ATP2B2: variants seen among roughly 807,000 people sequenced by gnomAD.
ATP2B2 encodes ATPase plasma membrane Ca2+ transporting 2, also known as plasma membrane calcium-transporting ATPase 2.
In ATP2B2, 15 loss-of-function variants were observed where a neutral mutation model predicts 120.0. The ratio of observed to expected loss-of-function variants is 0.12; its 90% CI spans 0.08 to 0.19. The LOEUF (loss-of-function observed/expected upper bound fraction) is 0.19. Among genes scored for constraint, ATP2B2 ranks in the 10% least tolerant of loss-of-function variants. ATP2B2 has a pLI of 1.00. For missense variants in ATP2B2, 1,045 were observed against 1,719.8 expected (o/e 0.61, Z 6.94); for synonymous variants, 694 against 700.3 (o/e 0.99, Z 0.14).
At chr3:10,395,359 A>G (rs1419565589) in intron 5 of ATP2B2, among the ~76,000 whole-genome samples, 1 of 152,220 alleles carries the variant, frequency 6.6e-6, no homozygotes, top group African/African-American at 2.4e-5. Context: ...CAGAATGTGA[A>G]TATGGATGGC....
At chr3:10,386,702 G>A (rs1047762460) in intron 6 of ATP2B2, among the ~76,000 whole-genome samples, 190 bp from the exon 7 acceptor site, 4 of 152,210 alleles carry the variant, frequency 2.6e-5, no homozygotes, top group African/African-American at 7.2e-5. Flanking sequence ...TGGGAGGGCA[G>A]AGGGGGCCCA....
rs774178828 is a variant in ATP2B2 at position 10,375,675 on chromosome 3, T to C, written c.1202-31A>G. The C allele has an allele frequency of 8.1e-6, 13 of 1,599,976 alleles. No individual in the cohort carries two copies. The highest frequency in any genetic ancestry group is 2.2e-5 in the South Asian group (2 of 90,580). On this transcript the variant is annotated intron_variant, in intron 10 of 22. Transcript: ENST00000360273. This position sits in a 1 kb window ranked among gnomAD's most constrained non-coding sequence, Gnocchi z 4.2. ...ATGTGAGGGACACATGCTTGGGGGGTTCCAGGAAGTGGAGGCTGGGGGTGG... is the reference window on the plus strand; with the variant it reads ...ATGTGAGGGACACATGCTTGGGGGGCTCCAGGAAGTGGAGGCTGGGGGTGG...
rs772118757 is a variant in ATP2B2 at position 10,346,049 on chromosome 3, G to A, written c.2493C>T (p.Ala831=). The A allele has an allele frequency of 9.9e-6, 16 of 1,612,020 alleles. No individual in the cohort carries two copies. The highest frequency in any genetic ancestry group is 1.6e-4 in the Middle Eastern group (1 of 6,062). The part of the protein sequence containing the change: ...GTNDGPALKK[A]DVGFAMGIAG... ...TTCCTACCATGGCGAAGCCCACGTC[G>A]GCCTTCTTGAGTGCAGGCCCGTCGT... Residue 831 remains alanine (A), a synonymous_variant, in exon 17 of 23, where the codon GCC becomes GCT. Transcript: ENST00000360273. The surrounding 1 kb of genome is among the most constrained non-coding windows in gnomAD (Gnocchi z 4.1).
chr3:10,552,963 C>T (rs913865861), intron 2 of ATP2B2, among the ~76,000 whole-genome samples: 1 of 152,190 alleles, frequency 6.6e-6, no homozygotes, highest in Non-Finnish European at 1.5e-5. Context: ...ATTTCGAAGG[C>T]AAGGAGGCAG....
intron 2 of ATP2B2, among the ~76,000 whole-genome samples, chr3:10,597,784 C>T (rs746016196): frequency 6.6e-6 from 1 of 152,174 alleles, no homozygotes; most frequent in Non-Finnish European, 1.5e-5. Flanking sequence ...TAAGTAAACT[C>T]TACATACATT....
intron 22 of ATP2B2, chr3:10,336,160 A>G (rs1468776543): frequency 6.4e-7 from 1 of 1,550,638 alleles, no homozygotes; most frequent in Non-Finnish European, 8.7e-7. Flanking sequence ...GGCTGGTCGG[A>G]GAGGAAAGAG....
At chr3:10,676,538 A>G (rs1312195017) in intron 1 of ATP2B2, among the ~76,000 whole-genome samples, 1 of 152,078 alleles carries the variant, frequency 6.6e-6, no homozygotes, top group Non-Finnish European at 1.5e-5. Flanking sequence ...ACACACACAC[A>G]CACACACCCT....
chr3:10,621,844 C>T (rs2069558998), intron 1 of ATP2B2, among the ~76,000 whole-genome samples: 1 of 152,312 alleles, frequency 6.6e-6, no homozygotes, highest in East Asian at 1.9e-4. Flanking sequence ...CAGAAGTAAC[C>T]ACGTCAACAT....
At chr3:10,404,934 G>A (rs1421561095) in intron 3 of ATP2B2, among the ~76,000 whole-genome samples, 1 of 152,200 alleles carries the variant, frequency 6.6e-6, no homozygotes, top group Non-Finnish European at 1.5e-5. Context: ...AAATGGGAAG[G>A]CTGTTATTTC....
chr3:10,470,511 G>A (rs60699684), intron 1 of ATP2B2, among the ~76,000 whole-genome samples: 41,263 of 152,062 alleles, frequency 0.27, 6,051 homozygotes, highest in Non-Finnish European at 0.32. Context: ...GGTTGACTTT[G>A]ATCTCCTCAG....
At chr3:10,512,491 C>T (rs975596331) in intron 3 of ATP2B2, among the ~76,000 whole-genome samples, 1 of 151,884 alleles carries the variant, frequency 6.6e-6, no homozygotes, top group Non-Finnish European at 1.5e-5. Flanking sequence ...CACACACACA[C>T]ACACACACAC....
intron 2 of ATP2B2, among the ~76,000 whole-genome samples, chr3:10,606,858 G>C (rs1261029399): frequency 7.0e-6 from 1 of 142,372 alleles, no homozygotes; most frequent in Non-Finnish European, 1.5e-5. Context: ...CACAGTAAAC[G>C]TAAGTGTAAT....
chr3:10,636,574 C>T (rs1046380948), intron 1 of ATP2B2, among the ~76,000 whole-genome samples: 3 of 152,146 alleles, frequency 2.0e-5, no homozygotes, highest in African/African-American at 7.2e-5. Flanking sequence ...TGCCCTCTCA[C>T]CTGCAAAAAA....
At chr3:10,387,122 A>AC (rs2061704383) in intron 6 of ATP2B2, among the ~76,000 whole-genome samples, 2 of 152,054 alleles carry the variant, frequency 1.3e-5, no homozygotes, top group South Asian at 4.2e-4. Context: ...ACAGATTCAA[A>AC]CCCAGCATGT....
At chr3:10,509,807 G>T (rs2125434052), upstream of ATP2B2, among the ~76,000 whole-genome samples, 1 of 152,338 alleles carries the variant, frequency 6.6e-6, no homozygotes, top group East Asian at 1.9e-4. Context: ...CAGATCTCGA[G>T]TGGAGGCTTT....
intron 2 of ATP2B2, among the ~76,000 whole-genome samples, chr3:10,540,604 C>T (rs886724413): frequency 6.6e-6 from 1 of 151,540 alleles, no homozygotes; most frequent in Admixed American, 6.6e-5. Context: ...TCATTCTGAG[C>T]AAACTGTTGC....
chr3:10,391,436 C>G (rs1271714333), intron 5 of ATP2B2, among the ~76,000 whole-genome samples: 1 of 152,214 alleles, frequency 6.6e-6, no homozygotes. Flanking sequence ...CTGCTCCCCA[C>G]CTCCCAACCC....
intron 2 of ATP2B2, among the ~76,000 whole-genome samples, chr3:10,442,993 C>T (rs2063720339): frequency 6.6e-6 from 1 of 152,218 alleles, no homozygotes; most frequent in South Asian, 2.1e-4. Flanking sequence ...CCAGGATTTG[C>T]ACCATGATAC....
intron 1 of ATP2B2, among the ~76,000 whole-genome samples, chr3:10,703,389 T>C (rs1235783792): frequency 6.6e-6 from 1 of 152,164 alleles, no homozygotes. Flanking sequence ...AGGCCCCCAT[T>C]TGACCCTCAC....
Sources: allele counts gnomAD v4.1 joint callset (sites outside exome capture counted in the v4.1 genomes callset), GRCh38; gene constraint gnomAD v4.1.1; non-coding constraint Gnocchi (gnomAD v3.1); transcripts MANE v1.5; gene names NCBI Gene and HGNC (gene_info 2026-07-23, HGNC 2026-07-21).